The following SLC35F1 variants were observed in gnomAD, a reference collection of about 807,000 sequenced individuals.
The protein encoded by SLC35F1 is solute carrier family 35 member F1.
In SLC35F1, 14 loss-of-function variants were observed where a neutral mutation model predicts 48.7. The ratio of observed to expected loss-of-function variants is 0.29; its 90% CI spans 0.19 to 0.45. The LOEUF is 0.45. SLC35F1 is among the 20% of genes least tolerant of loss of function. SLC35F1 has a pLI of 1.00. For synonymous variants in SLC35F1, 190 were observed against 202.2 expected (o/e 0.94, Z 0.51); for missense variants, 404 against 500.0 (o/e 0.81, Z 1.83).
chr6:117,923,561 A>G (rs1363204673), intron 1 of SLC35F1, among the ~76,000 whole-genome samples: 1 of 142,136 alleles, frequency 7.0e-6, no homozygotes, highest in African/African-American at 2.6e-5. Flanking sequence ...TGACATACAT[A>G]TATACAAATA....
At chr6:118,295,220 T>C (rs192967823) in intron 7 of SLC35F1, among the ~76,000 whole-genome samples, 1 of 152,248 alleles carries the variant, frequency 6.6e-6, no homozygotes, top group East Asian at 1.9e-4. Flanking sequence ...CCTGAGGTCA[T>C]TATAATAATA....
At chr6:118,094,803 A>G (rs1773125411) in intron 1 of SLC35F1, among the ~76,000 whole-genome samples, 1 of 152,048 alleles carries the variant, frequency 6.6e-6, no homozygotes, top group African/African-American at 2.4e-5. Context: ...CCCTGTCTCT[A>G]CTAAAAATAC....
At chr6:118,040,846 C>T (rs1772206339) in intron 1 of SLC35F1, among the ~76,000 whole-genome samples, 1 of 151,748 alleles carries the variant, frequency 6.6e-6, no homozygotes, top group African/African-American at 2.4e-5. Flanking sequence ...AACACTTTTA[C>T]ATCTCCCTAA....
At chr6:117,911,175 G>T (rs1019421680) in intron 1 of SLC35F1, among the ~76,000 whole-genome samples, 1 of 152,040 alleles carries the variant, frequency 6.6e-6, no homozygotes. Context: ...GGTGAAAGAG[G>T]AGGCACTAGA....
chr6:118,110,691 C>T (rs940206788), intron 1 of SLC35F1, among the ~76,000 whole-genome samples: 2 of 152,178 alleles, frequency 1.3e-5, no homozygotes, highest in African/African-American at 4.8e-5. Flanking sequence ...TGTCTCTGAA[C>T]ATCCCTAGAC....
chr6:118,036,825 T>C (rs572957950), intron 1 of SLC35F1, among the ~76,000 whole-genome samples: 3 of 152,340 alleles, frequency 2.0e-5, no homozygotes, highest in Admixed American at 6.5e-5. Context: ...CCTCCCAATA[T>C]GCTGGGATTA....
chr6:118,125,510 C>T (rs1320821487), intron 1 of SLC35F1, among the ~76,000 whole-genome samples: 4 of 152,128 alleles, frequency 2.6e-5, no homozygotes, highest in Non-Finnish European at 5.9e-5. Context: ...AAGAACTAGG[C>T]TCTAACTGGC....
chr6:117,986,625 C>T (rs999119541), intron 1 of SLC35F1, among the ~76,000 whole-genome samples: 6 of 152,202 alleles, frequency 3.9e-5, no homozygotes, highest in African/African-American at 1.4e-4. Flanking sequence ...CCCTTTGCCT[C>T]TGCCTGGCTG....
At chr6:117,923,462 G>T (rs1775928526) in intron 1 of SLC35F1, among the ~76,000 whole-genome samples, 1 of 145,602 alleles carries the variant, frequency 6.9e-6, no homozygotes, top group African/African-American at 2.6e-5. Flanking sequence ...TACTGGAATA[G>T]AATGGAAATT....
chr6:118,134,886 TC>T (rs1773770937), intron 1 of SLC35F1, among the ~76,000 whole-genome samples: 2 of 152,212 alleles, frequency 1.3e-5, no homozygotes, highest in South Asian at 4.1e-4. Flanking sequence ...TTCCTTCTAC[TC>T]CCCCTCCTAA....
chr6:118,267,196 T>G, intron 4 of SLC35F1, 42 bp downstream of exon 4: 1 of 1,609,676 alleles, frequency 6.2e-7, no homozygotes, highest in Non-Finnish European at 8.5e-7. Context: ...CCTCTGCGGG[T>G]GAGGCCAAGG....
intron 2 of SLC35F1, among the ~76,000 whole-genome samples, chr6:118,226,386 T>C (rs1416480849): frequency 2.6e-5 from 4 of 152,136 alleles, no homozygotes; most frequent in Admixed American, 6.5e-5. Context: ...AGGAAATCAA[T>C]ATATCAAAGA....
intron 3 of SLC35F1, among the ~76,000 whole-genome samples, chr6:118,237,502 C>T (rs1202859854): frequency 6.6e-6 from 1 of 152,184 alleles, no homozygotes; most frequent in East Asian, 1.9e-4. Flanking sequence ...GATCCTCTGG[C>T]CTCAGCCCCC....
chr6:118,123,218 T>C lies in SLC35F1; in HGVS notation c.174-31227T>C, dbSNP rs183257563. Among the ~76,000 whole-genome samples, 226 of 152,262 alleles carry C rather than the reference T, an allele frequency of 1.5e-3. 2 individuals are homozygous for C. Among genetic ancestry groups the C allele is most frequent in the African/African-American group, 5.2e-3 (217 of 41,560 alleles). On this transcript the variant is annotated intron_variant, in intron 1 of 7. Transcript: ENST00000360388. ...CACTTCTCTGGCTATGTCTCCAGGT[T>C]CAATTAAAATGGAAGGTGAAGGCAG...
intron 1 of SLC35F1, among the ~76,000 whole-genome samples, chr6:118,139,558 G>A (rs948145901): frequency 1.3e-5 from 2 of 152,290 alleles, no homozygotes; most frequent in East Asian, 3.9e-4. Flanking sequence ...CTTTCCAGGA[G>A]ATGACTGACT....
chr6:118,108,305 A>T (rs1403031821), intron 1 of SLC35F1, among the ~76,000 whole-genome samples: 2 of 152,168 alleles, frequency 1.3e-5, no homozygotes, highest in African/African-American at 4.8e-5. Flanking sequence ...AGCTTTTATC[A>T]TGGTCAAGTC....
chr6:117,930,520 A>G (rs1776086837), intron 1 of SLC35F1, among the ~76,000 whole-genome samples: 1 of 152,122 alleles, frequency 6.6e-6, no homozygotes, highest in Non-Finnish European at 1.5e-5. Context: ...GATTCAAAGT[A>G]CAGGACCTAG....
At chr6:118,291,366 A>G (rs1464819379) in intron 7 of SLC35F1, among the ~76,000 whole-genome samples, 2 of 152,090 alleles carry the variant, frequency 1.3e-5, no homozygotes, top group Non-Finnish European at 2.9e-5. Context: ...TTGGGGAAAA[A>G]GTATTTAAAT....
chr6:118,313,873 G>A (rs1244875498), intron 7 of SLC35F1, among the ~76,000 whole-genome samples, 155 bp from the exon 8 acceptor site: 1 of 152,180 alleles, frequency 6.6e-6, no homozygotes, highest in Non-Finnish European at 1.5e-5. Flanking sequence ...GCCAGTTTAT[G>A]ATGAGAAAAT....
Sources: allele counts gnomAD v4.1 joint callset (sites outside exome capture counted in the v4.1 genomes callset), GRCh38; gene constraint gnomAD v4.1.1; transcripts MANE v1.5; gene names NCBI Gene and HGNC (gene_info 2026-07-23, HGNC 2026-07-21).